The following TMEM80 variants were observed in gnomAD, a reference collection of about 807,000 sequenced individuals.
TMEM80 encodes the protein transmembrane protein 80.
A neutral mutation model predicts 13.6 loss-of-function variants in TMEM80; 16 were observed. The observed-to-expected ratio is 1.17, with a 90% CI of 0.79 to 1.78. TMEM80 has a LOEUF of 1.78. Among genes scored for constraint, TMEM80 ranks in the 40% most tolerant of loss-of-function variants. The probability of loss-of-function intolerance (pLI) is 0.00; values close to 1 mark genes in which losing one functional copy is unlikely to be tolerated. For missense variants in TMEM80, 167 were observed against 184.6 expected, an observed-to-expected ratio of 0.90 and a Z score of 0.55; for synonymous variants, 92 against 89.5, an observed-to-expected ratio of 1.03 and a Z score of -0.16.
chr11:698,761 G>T (rs904031256), intron 1 of TMEM80, 108 bp from the exon 2 acceptor site: 1 of 1,316,162 alleles, frequency 7.6e-7, no homozygotes, highest in Middle Eastern at 1.8e-4. Flanking sequence ...CTACAAATAC[G>T]AGATCAAAGG....
rs768124828 is a variant in TMEM80, at chr11:698,874, G to C, written c.25G>C (p.Gly9Arg). ...ACGGCCCCTTTCTCTTTCAGGGAGA[G>C]GATCCTCCACAGTGGTATCCTGCTG... is the stretch of plus-strand genomic sequence containing the variant. MAAPRRGR[G>R]SSTVLSSVPL... is the part of the protein sequence containing the mutation. Residue 9 changes from glycine to arginine, a missense_variant, in exon 2 of 5, where the codon GGA (glycine) becomes CGA (arginine). Gly to Arg is a moderately radical substitution (Grantham distance 125). Coordinates refer to ENST00000397510, the MANE Select transcript of TMEM80 (RefSeq NM_001042463.3). The C allele has an allele frequency of 6.8e-6, 11 of 1,614,138 alleles. No individual in the cohort carries two copies. Among genetic ancestry groups the C allele is most frequent in the Admixed American group, 1.7e-5 (1 of 60,018 alleles).
At position 700,178 on chromosome 11, in the gene TMEM80, A is replaced by G. The variant is rs1861378538; in HGVS notation, c.76A>G (p.Ser26Gly). Residue 26 changes from serine (S) to glycine (G), a missense_variant, in exon 3 of 5, where the codon AGC becomes GGC. Coordinates refer to ENST00000397510, the MANE Select transcript of TMEM80 (RefSeq NM_001042463.3). The stretch of plus-strand genomic sequence containing the variant: ...TCCCCTTCAAATGCTGTTTTATCTC[A>G]GCGGAACGTACTACGCCCTGTATTT... ...SVPLQMLFYL[S>G]GTYYALYFLA... 1.2e-6 allele frequency: 2 copies of G among 1,614,102 alleles called. No individual in the cohort carries two copies. Among genetic ancestry groups the G allele is most frequent in the South Asian group, 1.1e-5 (1 of 91,072 alleles).
downstream of TMEM80, chr11:705,018 C>A: frequency 4.1e-6 from 1 of 244,106 alleles, no homozygotes; most frequent in Non-Finnish European, 8.2e-6. Context: ...ACGGCAAAGG[C>A]TGTAAACCAG....
Position 703,972 on chromosome 11 carries a change from A to G in TMEM80, c.*822A>G, listed in dbSNP as rs1861613784. Reference sequence around the variant, plus strand: ...TTTTTTTCCCATTCCCAGATTTACTATCAGTTCTCCTTAAAAAGTATCTAA... The same window carrying G: ...TTTTTTTCCCATTCCCAGATTTACTGTCAGTTCTCCTTAAAAAGTATCTAA... On this transcript the variant is annotated 3_prime_UTR_variant, in exon 5 of 5. Coordinates refer to ENST00000397510, the MANE Select transcript of TMEM80 (RefSeq NM_001042463.3). 4.1e-6 allele frequency: 5 copies of G among 1,230,468 alleles called. No individual in the cohort carries two copies. In the East Asian group the frequency reaches 9.7e-5, roughly 24 times the overall value. 76.2% of individuals were successfully genotyped at this position (1,230,468 alleles called of 1,614,324 possible).
intron 2 of TMEM80, chr11:699,822 C>T (rs1861362113): frequency 6.7e-6 from 2 of 300,514 alleles, no homozygotes; most frequent in Middle Eastern, 9.8e-4. Context: ...GGCAGGGTGA[C>T]ATCACTGGGG....
chr11:703,253 A>G lies in TMEM80; in HGVS notation c.*103A>G, dbSNP rs1861582753. 1.4e-6 allele frequency: 2 copies of G among 1,455,976 alleles called. No individual in the cohort carries two copies. Among genetic ancestry groups the G allele is most frequent in the African/African-American group, 1.4e-5 (1 of 70,352 alleles). 90.2% of individuals were successfully genotyped at this position (1,455,976 alleles called of 1,614,324 possible). A position where few individuals can be genotyped will look rare whatever the true frequency, so the allele number is the denominator to read the frequency against. ...CCTGGACAGGAAGGGCACTTTTCCT[A>G]GTGACTGGCCATAGATGGTTTTGGA... On this transcript the variant is annotated 3_prime_UTR_variant, in exon 5 of 5. Transcript: ENST00000397510.
chr11:697,463 G>A (rs529366309), intron 1 of TMEM80: 7 of 152,308 alleles, frequency 4.6e-5, no homozygotes, highest in African/African-American at 1.7e-4. Context: ...CTGCAGGTCT[G>A]GAATTGTTAG....
At chr11:701,687 G>A (rs1189708996) in intron 4 of TMEM80, among the ~76,000 whole-genome samples, 3 of 152,082 alleles carry the variant, frequency 2.0e-5, no homozygotes, top group African/African-American at 7.2e-5. Context: ...GGGATTACAG[G>A]CGTGAGCCAC....
Position 700,630 on chromosome 11 carries a change from A to T in TMEM80, c.149A>T (p.Tyr50Phe). The T allele has an allele frequency of 6.2e-7, 1 of 1,613,772 alleles. No individual in the cohort carries two copies. The highest frequency in any genetic ancestry group is 1.1e-5 in the South Asian group (1 of 91,068). ...TGCTCTTCAGGTCAGGTGTTCAGCT[A>T]TCCTCACCGCTACCTGGTCCTCGAT... ...MITYKSQVFS[Y>F]PHRYLVLDLA... is the part of the protein sequence containing the mutation. The change falls in exon 4 of 5, where the codon TAT (tyrosine) becomes TTT (phenylalanine). Residue 50 changes from tyrosine (Y) to phenylalanine (F), a missense_variant. By Grantham distance (22) the Tyr-to-Phe change is conservative. Transcript: ENST00000397510.
chr11:704,605 A>T (rs79537173), downstream of TMEM80: 4 of 427,042 alleles, frequency 9.4e-6, no homozygotes, highest in Non-Finnish European at 1.3e-5. Flanking sequence ...CCAGGGAAGG[A>T]CCCCCTCCCT....
At chr11:697,020 G>A (rs964796283) in intron 1 of TMEM80, among the ~76,000 whole-genome samples, 1 of 151,482 alleles carries the variant, frequency 6.6e-6, no homozygotes, top group Non-Finnish European at 1.5e-5. Context: ...GGTGGTGGGG[G>A]GGGTGGGGTG....
In TMEM80 at chr11:703,424, CTG is replaced by C. The variant is rs1564964308; in HGVS notation, c.*276_*277del. On this transcript the variant is annotated 3_prime_UTR_variant, in exon 5 of 5. Transcript: ENST00000397510. Reference sequence around the variant, plus strand: ...GAGTCCCAGGAGCGCACACTCAGCCCTGTCAGTGGGGTCTGGCTTTAGCAGCC... The same window carrying C: ...GAGTCCCAGGAGCGCACACTCAGCCCTCAGTGGGGTCTGGCTTTAGCAGCC... The C allele has an allele frequency of 1.2e-5, 16 of 1,307,648 alleles. No homozygotes were observed. The South Asian group carries it at 4.1e-4, about 33-fold the overall frequency. The allele number at this position is 1,307,648 out of a possible 1,614,324, so 81.0% of individuals were successfully genotyped here. A position where few individuals can be genotyped will look rare whatever the true frequency, so the allele number is the denominator to read the frequency against.
intron 1 of TMEM80, 29 bp downstream of exon 1, chr11:695,875 G>C: frequency 8.2e-7 from 1 of 1,223,390 alleles, no homozygotes; most frequent in East Asian, 3.2e-5. Flanking sequence ...GGGGCTTCCG[G>C]GCTTGCAGCG....
downstream of TMEM80, chr11:704,520 A>T: frequency 7.8e-7 from 1 of 1,289,356 alleles, no homozygotes; most frequent in Non-Finnish European, 1.0e-6. Context: ...CACCTCCCTC[A>T]CCAGCGCCTG....
At chr11:700,284 T>G (rs748410821) in intron 3 of TMEM80, 49 bp downstream of exon 3, 1 of 1,546,052 alleles carries the variant, frequency 6.5e-7, no homozygotes, top group Non-Finnish European at 8.9e-7. Context: ...CCCAACATTT[T>G]GGGAGGCTGA....
In TMEM80 at chr11:703,368, G is replaced by T. The variant is rs974123831; in HGVS notation, c.*218G>T. On this transcript the variant is annotated 3_prime_UTR_variant, in exon 5 of 5. Coordinates refer to ENST00000397510, the MANE Select transcript of TMEM80 (RefSeq NM_001042463.3). ...TGGTGTTGGGAACAGCTGCGGGGAG[G>T]GTAGGGACCAGACAGAACTGCCTTC... 89 of 1,390,832 alleles carry T rather than the reference G, an allele frequency of 6.4e-5. No homozygotes were observed. The highest frequency in any genetic ancestry group is 7.5e-5 in the Non-Finnish European group (81 of 1,076,958). 86.2% of individuals were successfully genotyped at this position (1,390,832 alleles called of 1,614,324 possible). A position where few individuals can be genotyped will look rare whatever the true frequency, so the allele number is the denominator to read the frequency against.
At chr11:704,509 C>T (rs1268529863), downstream of TMEM80, 2 of 1,289,076 alleles carry the variant, frequency 1.6e-6, no homozygotes, top group Non-Finnish European at 1.0e-6. Context: ...GCGCCTCGGG[C>T]CACCTCCCTC....
chr11:701,331 G>C (rs1408053262), intron 4 of TMEM80, among the ~76,000 whole-genome samples: 25 of 151,434 alleles, frequency 1.7e-4, no homozygotes, highest in Admixed American at 1.6e-3. Flanking sequence ...TGGGATTACA[G>C]GCACCTGCCA....
At chr11:696,553 A>AG in intron 1 of TMEM80, among the ~76,000 whole-genome samples, 1 of 152,108 alleles carries the variant, frequency 6.6e-6, no homozygotes. Context: ...CCGAGGCTGC[A>AG]GGATCATTTG....
Sources: gnomAD v4.1 joint callset for allele counts (sites outside exome capture counted in the v4.1 genomes callset) on GRCh38, gnomAD v4.1.1 for gene constraint, MANE v1.5 for transcripts, NCBI Gene and HGNC (gene_info 2026-07-23, HGNC 2026-07-21) for gene names.